HHEX: variants seen among roughly 807,000 people sequenced by gnomAD.
HHEX encodes hematopoietically expressed homeobox, also known as hematopoietically-expressed homeobox protein HHEX.
Under a neutral mutation model 27.0 loss-of-function variants are expected in HHEX, and 8 were observed. The ratio of observed to expected loss-of-function variants is 0.30; its 90% CI spans 0.17 to 0.54. HHEX has a LOEUF of 0.54. Among genes scored for constraint, HHEX ranks in the 20% least tolerant of loss-of-function variants. HHEX has a pLI of 0.95. For synonymous variants in HHEX, 164 were observed against 161.5 expected (o/e 1.02, Z -0.12); for missense variants, 326 against 357.2 (o/e 0.91, Z 0.70).
intron 2 of HHEX, 58 bp from the exon 3 acceptor site, chr10:92,692,644 C>A: frequency 1.9e-6 from 3 of 1,604,132 alleles, no homozygotes; most frequent in East Asian, 2.2e-5. Flanking sequence ...AGCCACCCTG[C>A]CCTCTGGCAC....
intron 1 of HHEX, among the ~76,000 whole-genome samples, chr10:92,691,293 G>A (rs1274507264): frequency 6.6e-6 from 1 of 152,182 alleles, no homozygotes; most frequent in Non-Finnish European, 1.5e-5. Flanking sequence ...GGTCCGCGCT[G>A]TGGGTGACCC....
At chr10:92,692,577 C>G (rs1229820462) in intron 2 of HHEX, 31 bp downstream of exon 2, 2 of 1,611,602 alleles carry the variant, frequency 1.2e-6, no homozygotes, top group East Asian at 2.2e-5. Flanking sequence ...GGGCCGCCTC[C>G]GGGGAAGGGA....
rs1489998239 is a variant in HHEX at position 92,692,498 on chromosome 10, G to T, written c.492G>T (p.Pro164=). Reference sequence around the variant, plus strand: ...TCGAGACGCAGAAATATCTCTCTCCGCCCGAGAGGAAGCGTCTGGCCAAGA... The same window carrying T: ...TCGAGACGCAGAAATATCTCTCTCCTCCCGAGAGGAAGCGTCTGGCCAAGA... The part of the protein sequence containing the change: ...KKFETQKYLS[P]PERKRLAKML... Residue 164 remains proline (P), a synonymous_variant, in exon 2 of 4, where the codon CCG becomes CCT. Transcript: ENST00000282728. The T allele has an allele frequency of 6.2e-7, 1 of 1,613,974 alleles. No individual in the cohort carries two copies. The highest frequency in any genetic ancestry group is 8.5e-7 in the Non-Finnish European group (1 of 1,179,984).
rs1466669667 is a variant in HHEX, at chr10:92,694,861, G to T, written c.*93G>T. On this transcript the variant is annotated 3_prime_UTR_variant, in exon 4 of 4. Coordinates refer to ENST00000282728, the MANE Select transcript of HHEX (RefSeq NM_002729.5). ...ATAGAAGAACTGGAAGGCTATATAA[G>T]AAAGGGAATCAATTCTCTGGTATTC... 2.2e-6 allele frequency: 2 copies of T among 921,370 alleles called. No homozygotes were observed. Among genetic ancestry groups the T allele is most frequent in the Admixed American group, 2.2e-5 (1 of 44,644 alleles). 57.1% of individuals were successfully genotyped at this position (921,370 alleles called of 1,614,324 possible).
At position 92,695,034 on chromosome 10, in the gene HHEX, AAC is replaced by A. The variant is rs368078419; in HGVS notation, c.*268_*269del. The A allele has an allele frequency of 6.4e-5, 21 of 326,332 alleles. No individual in the cohort carries two copies. The highest frequency in any genetic ancestry group is 1.8e-4 in the Admixed American group (4 of 22,202). The allele number at this position is 326,332 out of a possible 1,614,324, so 20.2% of individuals were successfully genotyped here. Reference sequence around the variant, plus strand: ...GATTAAATTCTTCCCCCTTTAAAAAAACAGTTAGTGGTTTTCACTATTTATAA... The same window carrying A: ...GATTAAATTCTTCCCCCTTTAAAAAAAGTTAGTGGTTTTCACTATTTATAA... On this transcript the variant is annotated 3_prime_UTR_variant, in exon 4 of 4. Transcript: ENST00000282728.
intron 1 of HHEX, 101 bp downstream of exon 1, chr10:92,690,448 TG>T (rs1845342254): frequency 7.6e-7 from 1 of 1,313,424 alleles, no homozygotes; most frequent in African/African-American, 1.6e-5. Context: ...TAGACGGCTG[TG>T]GCAAAAGCGA....
chr10:92,693,813 T>G (rs1169133045), intron 3 of HHEX, among the ~76,000 whole-genome samples: 1 of 152,220 alleles, frequency 6.6e-6, no homozygotes, highest in Non-Finnish European at 1.5e-5. Context: ...ATTCACTAGC[T>G]TATATACTTA....
At chr10:92,692,274 T>A (rs1845363026) in intron 1 of HHEX, 94 bp from the exon 2 acceptor site, 2 of 1,364,008 alleles carry the variant, frequency 1.5e-6, no homozygotes, top group Admixed American at 2.1e-5. Context: ...GGTGGCCTCC[T>A]GGCCTACCTT....
intron 1 of HHEX, chr10:92,691,566 C>G (rs970201813): frequency 5.3e-5 from 8 of 152,196 alleles, no homozygotes; most frequent in Admixed American, 4.6e-4. Context: ...CTGTCTGATT[C>G]CAGCCTCGAG....
At position 92,689,956 on chromosome 10, in the gene HHEX, G is replaced by A. The variant is rs1253195122; in HGVS notation, c.-31G>A. Reference sequence around the variant, plus strand: ...TGTAGCGCCGCGGCGCGGGCCAGCAGCTCTGCGAGGGGCCGGAGCGCGGCG... The same window carrying A: ...TGTAGCGCCGCGGCGCGGGCCAGCAACTCTGCGAGGGGCCGGAGCGCGGCG... On this transcript the variant is annotated 5_prime_UTR_variant, in exon 1 of 4. Transcript: ENST00000282728. The A allele has an allele frequency of 7.6e-7, 1 of 1,323,698 alleles. No individual in the cohort carries two copies. Among genetic ancestry groups the A allele is most frequent in the Middle Eastern group, 2.9e-4 (1 of 3,498 alleles). The allele number at this position is 1,323,698 out of a possible 1,614,324, so 82.0% of individuals were successfully genotyped here. A position where few individuals can be genotyped will look rare whatever the true frequency, so the allele number is the denominator to read the frequency against.
intron 1 of HHEX, 142 bp from the exon 2 acceptor site, chr10:92,692,226 T>C: frequency 1.3e-6 from 1 of 758,618 alleles, no homozygotes; most frequent in Non-Finnish European, 2.2e-6. Flanking sequence ...ACGTGTTAGG[T>C]CCACGTGCCG....
At chr10:92,690,438 T>TAGACGGC in intron 1 of HHEX, 91 bp downstream of exon 1, 1 of 1,340,062 alleles carries the variant, frequency 7.5e-7, no homozygotes, top group South Asian at 1.7e-5. Context: ...GGGCAGGCGG[T>TAGACGGC]AGACGGCTGT....
rs538680375 is a variant in HHEX, at chr10:92,692,401, G to A, written c.395G>A (p.Arg132Lys). ...CTACTCTGGAGCCCCTTCTTGCAGA[G>A]GCCTCTGCATAAAAGGAAAGGCGGC... is the stretch of plus-strand genomic sequence containing the variant. ...KPLLWSPFLQ[R>K]PLHKRKGGQV... Residue 132 changes from arginine to lysine, a missense_variant, in exon 2 of 4, where the codon AGG (arginine) becomes AAG (lysine). Arg to Lys is a conservative substitution (Grantham distance 26). This residue lies in a region of HHEX where 215 missense variants were observed against 196.4 expected (regional missense o/e 1.09). Coordinates refer to ENST00000282728, the MANE Select transcript of HHEX (RefSeq NM_002729.5). The A allele has an allele frequency of 6.2e-7, 1 of 1,614,044 alleles. No individual in the cohort carries two copies. Among genetic ancestry groups the A allele is most frequent in the Admixed American group, 1.7e-5 (1 of 60,030 alleles).
intron 1 of HHEX, chr10:92,691,512 G>A (rs1845355046): frequency 6.6e-6 from 1 of 152,194 alleles, no homozygotes; most frequent in Admixed American, 6.5e-5. Context: ...GAGGGGGATT[G>A]TATTTTTAGT....
At position 92,692,445 on chromosome 10, in the gene HHEX, G is replaced by T; in HGVS notation, c.439G>T (p.Asp147Tyr). The change falls in exon 2 of 4, where the codon GAC (aspartate) becomes TAC (tyrosine). Residue 147 changes from aspartate (D) to tyrosine (Y), a missense_variant. This residue lies in a region of HHEX where 40 missense variants were observed against 54.9 expected (regional missense o/e 0.73). Coordinates refer to ENST00000282728, the MANE Select transcript of HHEX (RefSeq NM_002729.5). ...AGGCGGCCAGGTGAGATTCTCCAAC[G>T]ACCAGACCATCGAGCTGGAGAAGAA... is the stretch of plus-strand genomic sequence containing the variant. ...RKGGQVRFSN[D>Y]QTIELEKKFE... The T allele has an allele frequency of 3.1e-6, 5 of 1,614,052 alleles. No homozygotes were observed. Among genetic ancestry groups the T allele is most frequent in the African/African-American group, 2.7e-5 (2 of 75,046 alleles).
Position 92,690,247 on chromosome 10 carries a change from G to T in HHEX, c.261G>T (p.Leu87=), listed in dbSNP as rs1845338396. The change falls in exon 1 of 4, where the codon CTG becomes CTT. Residue 87 remains leucine (L), a synonymous_variant. Transcript: ENST00000282728. ...PAFSHHSAAA[L]AAAYGPGGFG... is the part of the protein sequence containing the mutation. Reference sequence around the variant, plus strand: ...TCTCGCACCACTCCGCCGCCGCGCTGGCCGCTGCCTACGGACCCGGCGGCT... The same window carrying T: ...TCTCGCACCACTCCGCCGCCGCGCTTGCCGCTGCCTACGGACCCGGCGGCT... The T allele has an allele frequency of 3.8e-6, 6 of 1,564,198 alleles. No individual in the cohort carries two copies. In the South Asian group the frequency reaches 7.0e-5, roughly 18 times the overall value.
intron 3 of HHEX, among the ~76,000 whole-genome samples, chr10:92,693,425 T>C (rs779248169): frequency 7.2e-4 from 109 of 152,244 alleles, no homozygotes; most frequent in Non-Finnish European, 1.3e-3. Context: ...ACATTCATTT[T>C]TGATGTCCTA....
At position 92,695,028 on chromosome 10, in the gene HHEX, T is replaced by TA. The variant is rs540359292; in HGVS notation, c.*267dup. On this transcript the variant is annotated 3_prime_UTR_variant, in exon 4 of 4. Coordinates refer to ENST00000282728, the MANE Select transcript of HHEX (RefSeq NM_002729.5). ...TATAGTGATTAAATTCTTCCCCCTT[T>TA]AAAAAAACAGTTAGTGGTTTTCACT... 4 of 325,812 alleles carry TA rather than the reference T, an allele frequency of 1.2e-5. No individual in the cohort carries two copies. The highest frequency in any genetic ancestry group is 4.5e-5 in the Admixed American group (1 of 22,170). The allele number at this position is 325,812 out of a possible 1,614,324, so 20.2% of individuals were successfully genotyped here. A position where few individuals can be genotyped will look rare whatever the true frequency, so the allele number is the denominator to read the frequency against.
chr10:92,695,013 A>C lies in HHEX; in HGVS notation c.*245A>C. ...TTGATAAAGTGACATTATAGTGATT[A>C]AATTCTTCCCCCTTTAAAAAAACAG... On this transcript the variant is annotated 3_prime_UTR_variant, in exon 4 of 4. Transcript: ENST00000282728. The C allele has an allele frequency of 2.7e-6, 1 of 376,060 alleles. No homozygotes were observed. Among genetic ancestry groups the C allele is most frequent in the East Asian group, 4.5e-5 (1 of 22,246 alleles). The allele number at this position is 376,060 out of a possible 1,614,324, so 23.3% of individuals were successfully genotyped here. A position where few individuals can be genotyped will look rare whatever the true frequency, so the allele number is the denominator to read the frequency against.
Sources: gnomAD v4.1 joint callset for allele counts (sites outside exome capture counted in the v4.1 genomes callset) on GRCh38, gnomAD v4.1.1 for gene constraint, gnomAD v4.1.1 regional missense constraint, MANE v1.5 for transcripts, NCBI Gene and HGNC (gene_info 2026-07-23, HGNC 2026-07-21) for gene names.